The following UVRAG variants were observed in gnomAD, a reference collection of about 807,000 sequenced individuals.
The protein encoded by UVRAG is UV radiation resistance associated.
A neutral mutation model predicts 78.0 loss-of-function variants in UVRAG; 19 were observed. That is an observed-to-expected ratio of 0.24 (90% confidence interval 0.17 to 0.36). The LOEUF is 0.36. UVRAG is among the 10% of genes least tolerant of loss of function. The probability of loss-of-function intolerance (pLI) is 1.00; values close to 1 mark genes in which losing one functional copy is unlikely to be tolerated. For missense variants in UVRAG, 740 were observed against 853.8 expected (o/e 0.87, Z 1.66); for synonymous variants, 323 against 324.6 (o/e 1.00, Z 0.05).
intron 8 of UVRAG, 101 bp downstream of exon 8, chr11:75,983,614 T>TC: frequency 7.2e-7 from 1 of 1,382,152 alleles, no homozygotes. Flanking sequence ...GTAAATACAG[T>TC]CACACATCAC....
At position 76,008,780 on chromosome 11, in the gene UVRAG, A is replaced by C. The variant is rs780412467; in HGVS notation, c.1000-27A>C. The C allele has an allele frequency of 1.2e-5, 15 of 1,304,044 alleles. 1 individual carries two copies. Among genetic ancestry groups the C allele is most frequent in the Middle Eastern group, 2.7e-4 (1 of 3,748 alleles). 80.8% of individuals were successfully genotyped at this position (1,304,044 alleles called of 1,614,324 possible). Reference sequence around the variant, plus strand: ...TTAGAGTTTCTTTGCTTTATTTATTAATTTTATTCTTTAATTAAATTCACA... The same window carrying C: ...TTAGAGTTTCTTTGCTTTATTTATTCATTTTATTCTTTAATTAAATTCACA... On this transcript the variant is annotated intron_variant, in intron 10 of 14. Coordinates refer to ENST00000356136, the MANE Select transcript of UVRAG (RefSeq NM_003369.4).
intron 14 of UVRAG, among the ~76,000 whole-genome samples, chr11:76,126,357 A>C (rs978657571): frequency 3.9e-5 from 6 of 152,220 alleles, no homozygotes; most frequent in Non-Finnish European, 8.8e-5. Flanking sequence ...TAGACATGTA[A>C]TAAACATTTT....
chr11:76,098,037 G>C (rs948291341), intron 13 of UVRAG, among the ~76,000 whole-genome samples: 4 of 151,146 alleles, frequency 2.6e-5, no homozygotes, highest in Non-Finnish European at 4.4e-5. Flanking sequence ...CGTTCATCTC[G>C]GATGGTTTTT....
At chr11:75,824,038 CTAATT>C (rs1325665338) in intron 1 of UVRAG, among the ~76,000 whole-genome samples, 2 of 151,988 alleles carry the variant, frequency 1.3e-5, no homozygotes, top group Non-Finnish European at 2.9e-5. Flanking sequence ...TTTTGCTAAT[CTAATT>C]TAATCATTTT....
intron 6 of UVRAG, among the ~76,000 whole-genome samples, chr11:75,958,306 C>T (rs775594604): frequency 6.6e-6 from 1 of 152,156 alleles, no homozygotes; most frequent in Non-Finnish European, 1.5e-5. Context: ...CAGAGTAGAA[C>T]TTCTTTCAAA....
chr11:75,886,279 C>T (rs1393112994), intron 4 of UVRAG, among the ~76,000 whole-genome samples: 1 of 152,098 alleles, frequency 6.6e-6, no homozygotes, highest in African/African-American at 2.4e-5. Flanking sequence ...ATTTGTTTCT[C>T]CCCATACTCT....
intron 4 of UVRAG, among the ~76,000 whole-genome samples, chr11:75,885,959 T>G (rs1947068128): frequency 6.6e-6 from 1 of 152,268 alleles, no homozygotes; most frequent in South Asian, 2.1e-4. Context: ...ATGACACTCA[T>G]GCAAGGTAGG....
chr11:76,117,925 T>A (rs1000345955), intron 14 of UVRAG, among the ~76,000 whole-genome samples: 1 of 152,242 alleles, frequency 6.6e-6, no homozygotes, highest in Non-Finnish European at 1.5e-5. Context: ...ATTTTCTTGA[T>A]ATCTGTTAGG....
At chr11:75,894,049 T>C (rs887743983) in intron 5 of UVRAG, among the ~76,000 whole-genome samples, 1 of 152,186 alleles carries the variant, frequency 6.6e-6, no homozygotes, top group Non-Finnish European at 1.5e-5. Context: ...GCATATAGTG[T>C]ATAAGAAAAC....
chr11:75,976,114 A>G (rs1368541641), intron 7 of UVRAG, among the ~76,000 whole-genome samples: 3 of 152,178 alleles, frequency 2.0e-5, no homozygotes, highest in Admixed American at 6.5e-5. Context: ...TTCTGCATCT[A>G]TTGAGATAAT....
chr11:75,881,285 A>C (rs1946938809), intron 4 of UVRAG, among the ~76,000 whole-genome samples: 1 of 152,198 alleles, frequency 6.6e-6, no homozygotes. Context: ...TTGGTTTTAT[A>C]CATTTTAAGG....
chr11:76,020,382 C>T (rs1950222798), intron 12 of UVRAG, among the ~76,000 whole-genome samples: 1 of 152,116 alleles, frequency 6.6e-6, no homozygotes, highest in Admixed American at 6.5e-5. Context: ...ACCCAAGGCC[C>T]ACAGCTTACT....
intron 6 of UVRAG, among the ~76,000 whole-genome samples, chr11:75,913,343 T>G (rs1330412046): frequency 1.3e-5 from 2 of 152,178 alleles, no homozygotes; most frequent in Non-Finnish European, 2.9e-5. Flanking sequence ...AAGAGGATAG[T>G]TTCCAGGAGT....
intron 13 of UVRAG, among the ~76,000 whole-genome samples, chr11:76,095,306 C>T (rs538084331): frequency 8.5e-5 from 13 of 152,240 alleles, no homozygotes; most frequent in African/African-American, 3.1e-4. Context: ...TCTCAACTTT[C>T]CCTACTTCTG....
intron 11 of UVRAG, among the ~76,000 whole-genome samples, chr11:76,011,529 GCACGAGAAT>G (rs2135355378): frequency 6.6e-6 from 1 of 152,310 alleles, no homozygotes; most frequent in East Asian, 1.9e-4. Flanking sequence ...GGAGGCTGAG[GCACGAGAAT>G]CACTTGAACC....
chr11:75,847,117 G>C (rs1264981947), intron 1 of UVRAG, among the ~76,000 whole-genome samples: 1 of 151,898 alleles, frequency 6.6e-6, no homozygotes, highest in African/African-American at 2.4e-5. Flanking sequence ...GGGCCACCGT[G>C]CCTGGCCTGT....
At chr11:76,043,715 C>T (rs1950694518) in intron 12 of UVRAG, among the ~76,000 whole-genome samples, 1 of 152,042 alleles carries the variant, frequency 6.6e-6, no homozygotes, top group Non-Finnish European at 1.5e-5. Context: ...ATTCTGACTC[C>T]CAAGTTTGTA....
In UVRAG at chr11:75,879,872, T is replaced by C. The variant is rs780438095; in HGVS notation, c.271-7T>C. 2 of 1,613,202 alleles carry C rather than the reference T, an allele frequency of 1.2e-6. No individual in the cohort carries two copies. Among genetic ancestry groups the C allele is most frequent in the East Asian group, 4.5e-5 (2 of 44,870 alleles). ...GTCCTAAAGCGTGTTTTCATTTTCA[T>C]GAGCAGAATCCCACGTGGCGAAGTC... On this transcript the variant is annotated splice_polypyrimidine_tract_variant and splice_region_variant and intron_variant, in intron 3 of 14. Coordinates refer to ENST00000356136, the MANE Select transcript of UVRAG (RefSeq NM_003369.4).
intron 13 of UVRAG, among the ~76,000 whole-genome samples, chr11:76,089,509 G>A (rs1166725005): frequency 1.3e-5 from 2 of 152,142 alleles, no homozygotes; most frequent in Non-Finnish European, 2.9e-5. Context: ...TGCATGACGC[G>A]ATGCCATTTG....
Sources: allele counts gnomAD v4.1 joint callset (sites outside exome capture counted in the v4.1 genomes callset), GRCh38; gene constraint gnomAD v4.1.1; transcripts MANE v1.5; gene names NCBI Gene and HGNC (gene_info 2026-07-23, HGNC 2026-07-21).